Variants in PLEKHG6 observed in about 807,000 individuals in gnomAD.
The protein encoded by PLEKHG6 is pleckstrin homology domain-containing family G member 6.
PLEKHG6 carries 91 observed loss-of-function variants against 97.5 expected under a neutral mutation model. The observed-to-expected ratio is 0.93, with a 90% CI of 0.79 to 1.11. The LOEUF (loss-of-function observed/expected upper bound fraction) is 1.11. PLEKHG6 is among the 50% of genes most tolerant of loss of function. PLEKHG6 has a pLI of 0.00. For synonymous variants in PLEKHG6, 466 were observed against 425.5 expected (o/e 1.10, Z -1.17); for missense variants, 1,044 against 1,031.0 (o/e 1.01, Z -0.17).
chr12:6,312,573 G>A lies in PLEKHG6; in HGVS notation c.138+209G>A, dbSNP rs1318923008. ...CCCCAGTCCCAGCAGCTGGGCAGGA[G>A]AGGCGGAGCCAGGAGAAGCCAGGCC... On this transcript the variant is annotated intron_variant, in intron 2 of 15. Transcript: ENST00000684764. 4 of 1,237,978 alleles carry A rather than the reference G, an allele frequency of 3.2e-6. No individual in the cohort carries two copies. The African/African-American group carries it at 4.8e-5, about 15-fold the overall frequency. 76.7% of individuals were successfully genotyped at this position (1,237,978 alleles called of 1,614,324 possible). A position where few individuals can be genotyped will look rare whatever the true frequency, so the allele number is the denominator to read the frequency against.
intron 13 of PLEKHG6, chr12:6,319,765 CT>C (rs1176827653): frequency 8.3e-7 from 1 of 1,209,226 alleles, no homozygotes; most frequent in Admixed American, 2.6e-5. Context: ...GGCACTAGAG[CT>C]AGGTGCTAGG....
chr12:6,312,163 A>G lies in PLEKHG6; in HGVS notation c.-64A>G. On this transcript the variant is annotated 5_prime_UTR_variant, in exon 2 of 16. Transcript: ENST00000684764. ...TTCCTCTTTTCTCTCTTGCAGCCCT[A>G]GGGGACCTCTTTCTCCTGGACATTG... 7.3e-7 allele frequency: 1 copy of G among 1,365,562 alleles called. No individual in the cohort carries two copies. Among genetic ancestry groups the G allele is most frequent in the Non-Finnish European group, 9.7e-7 (1 of 1,035,148 alleles). The allele number at this position is 1,365,562 out of a possible 1,614,324, so 84.6% of individuals were successfully genotyped here. A position where few individuals can be genotyped will look rare whatever the true frequency, so the allele number is the denominator to read the frequency against.
At chr12:6,322,957 C>A (rs1014188491) in intron 13 of PLEKHG6, among the ~76,000 whole-genome samples, 1 of 152,176 alleles carries the variant, frequency 6.6e-6, no homozygotes, top group African/African-American at 2.4e-5. Context: ...AAAGCGCAAG[C>A]TAGTGGCATC....
chr12:6,315,505 C>T lies in PLEKHG6; in HGVS notation c.460-49C>T, dbSNP rs772118278. Reference sequence around the variant, plus strand: ...GGTCGCACTTAACAGCTGGTACTTGCCATTCTAATTATCATTCCCCAACTG... The same window carrying T: ...GGTCGCACTTAACAGCTGGTACTTGTCATTCTAATTATCATTCCCCAACTG... On this transcript the variant is annotated intron_variant, in intron 4 of 15. Transcript: ENST00000684764. The surrounding 1 kb of genome is among the most constrained non-coding windows in gnomAD (Gnocchi z 4.5). 1.7e-5 allele frequency: 21 copies of T among 1,200,308 alleles called. 1 individual carries two copies. In the South Asian group the frequency reaches 2.0e-4, roughly 12 times the overall value. The allele number at this position is 1,200,308 out of a possible 1,614,324, so 74.4% of individuals were successfully genotyped here.
chr12:6,327,714 T>A lies in PLEKHG6; in HGVS notation c.2131T>A (p.Ser711Thr). The A allele has an allele frequency of 6.4e-7, 1 of 1,555,908 alleles. No homozygotes were observed. The highest frequency in any genetic ancestry group is 8.7e-7 in the Non-Finnish European group (1 of 1,152,992). Reference protein sequence around the residue: ...ADSAGESPWESSGEEEEEGPL... With the variant: ...ADSAGESPWETSGEEEEEGPL... Reference sequence around the variant, plus strand: ...CTCTGCCGGGGAAAGCCCCTGGGAGTCCTCAGGGGAGGAGGAAGAAGAGGG... The same window carrying A: ...CTCTGCCGGGGAAAGCCCCTGGGAGACCTCAGGGGAGGAGGAAGAAGAGGG... Residue 711 changes from serine to threonine, a missense_variant, in exon 15 of 16, where the codon TCC becomes ACC. By Grantham distance (58) the Ser-to-Thr change is moderately conservative (BLOSUM62 1). Transcript: ENST00000684764.
intron 3 of PLEKHG6, 94 bp downstream of exon 3, chr12:6,313,878 G>A: frequency 8.3e-7 from 1 of 1,201,252 alleles, no homozygotes; most frequent in South Asian, 1.6e-5. Context: ...TGAGAACACA[G>A]GTCCAGGAGG....
rs149106966 is a variant in PLEKHG6, at chr12:6,312,282, G to A, written c.56G>A (p.Arg19His). ...CCCCTCCAAGGACTCGTGGCCTCCC[G>A]CATTGAGACTTATGGGGGCCGGCAT... ...EGPLQGLVAS[R>H]IETYGGRHRA... The change falls in exon 2 of 16, where the codon CGC becomes CAC. Residue 19 changes from arginine to histidine, a missense_variant. Physicochemically the swap from Arg to His is conservative, Grantham distance 29 (BLOSUM62 0). Transcript: ENST00000684764. The A allele has an allele frequency of 7.1e-5, 111 of 1,558,268 alleles. No individual in the cohort carries two copies. Among genetic ancestry groups the A allele is most frequent in the South Asian group, 8.5e-5 (7 of 82,208 alleles).
Position 6,317,322 on chromosome 12 carries a change from C to A in PLEKHG6, c.776C>A (p.Pro259His). The A allele has an allele frequency of 1.9e-6, 3 of 1,613,706 alleles. No homozygotes were observed. The highest frequency in any genetic ancestry group is 1.7e-6 in the Non-Finnish European group (2 of 1,179,674). The change falls in exon 8 of 16, where the codon CCC becomes CAC. Residue 259 changes from proline (P) to histidine (H), a missense_variant. Transcript: ENST00000684764. Reference sequence around the variant, plus strand: ...CTCCAGTTTGGCCAGCGGTTCCACCCCTATGTCCAGTACTGCCTCCGAGTG... The same window carrying A: ...CTCCAGTTTGGCCAGCGGTTCCACCACTATGTCCAGTACTGCCTCCGAGTG... The part of the protein sequence containing the change: ...GFLTFGQRFH[P>H]YVQYCLRVKQ...
At chr12:6,327,038 A>T (rs1325290459) in intron 14 of PLEKHG6, among the ~76,000 whole-genome samples, 1 of 152,192 alleles carries the variant, frequency 6.6e-6, no homozygotes, top group African/African-American at 2.4e-5. Context: ...AAGATCCTGG[A>T]CCAGATGCTA....
chr12:6,314,322 G>C (rs546719825), intron 3 of PLEKHG6, among the ~76,000 whole-genome samples: 121 of 152,268 alleles, frequency 7.9e-4, no homozygotes, highest in Middle Eastern at 3.4e-3. Flanking sequence ...GGCCAACATG[G>C]TGAAACCCCG....
intron 13 of PLEKHG6, among the ~76,000 whole-genome samples, chr12:6,321,826 T>TAAAAAAAAAAAAAA (rs57346521): frequency 2.1e-5 from 2 of 97,378 alleles, no homozygotes; most frequent in African/African-American, 4.6e-5. Flanking sequence ...GACTCTGTCT[T>TAAAAAAAAAAAAAA]AAAAAAAAAA....
chr12:6,327,220 C>A, intron 14 of PLEKHG6, 34 bp from the exon 15 acceptor site: 1 of 1,363,126 alleles, frequency 7.3e-7, no homozygotes, highest in Non-Finnish European at 1.0e-6. Context: ...TGAACTTGAC[C>A]CCTACGCATC....
chr12:6,327,123 TCA>T, intron 14 of PLEKHG6, 129 bp from the exon 15 acceptor site: 1 of 637,064 alleles, frequency 1.6e-6, no homozygotes, highest in East Asian at 2.7e-5. Flanking sequence ...AGAAAAACAA[TCA>T]CAGTGCGATG....
chr12:6,312,702 G>A (rs1947317547), intron 2 of PLEKHG6: 5 of 1,174,648 alleles, frequency 4.3e-6, no homozygotes, highest in Admixed American at 4.4e-5. Context: ...CTTGGCAGGA[G>A]TTTGAGGCCT....
Position 6,315,866 on chromosome 12 carries a change from C to T in PLEKHG6, c.556-3C>T. The T allele has an allele frequency of 1.3e-6, 2 of 1,562,200 alleles. No homozygotes were observed. The highest frequency in any genetic ancestry group is 1.7e-6 in the Non-Finnish European group (2 of 1,152,838). On this transcript the variant is annotated splice_region_variant and splice_polypyrimidine_tract_variant and intron_variant, in intron 5 of 15. Coordinates refer to ENST00000684764, the MANE Select transcript of PLEKHG6 (RefSeq NM_001384598.1). This position sits in a 1 kb window ranked among gnomAD's most constrained non-coding sequence, Gnocchi z 4.5. The stretch of plus-strand genomic sequence containing the variant: ...CCTGAGACCCTCGTCTCCCTCCCTG[C>T]AGCTGCTAGCCGCCGGCCTGCTGAA...
Position 6,327,340 on chromosome 12 carries a change from C to G in PLEKHG6, c.1757C>G (p.Ser586Ter). ...GCTCCCCTTGTGCCAGATGATACCT[C>G]AGACTCTGGCTACGGCACTTTGATC... ...EDAPLVPDDT[S>*]DSGYGTLIPG... The change falls in exon 15 of 16, where the codon TCA becomes TGA. Residue 586 changes from serine to a stop codon, truncating the protein, a stop_gained. Transcript: ENST00000684764. LOFTEE classifies it high-confidence loss of function. 1 of 1,613,914 alleles carries G rather than the reference C, an allele frequency of 6.2e-7. No individual in the cohort carries two copies. Among genetic ancestry groups the G allele is most frequent in the South Asian group, 1.1e-5 (1 of 91,080 alleles).
intron 13 of PLEKHG6, chr12:6,319,741 TGCTGAGTACG>T: frequency 6.9e-7 from 1 of 1,444,900 alleles, no homozygotes. Context: ...ACAGGGCACT[TGCTGAGTACG>T]GCAGGCACTA....
At position 6,324,301 on chromosome 12, in the gene PLEKHG6, CG is replaced by C. The variant is rs1281769697; in HGVS notation, c.1525-2126del. Among the ~76,000 whole-genome samples the C allele has an allele frequency of 3.9e-4, 58 of 148,942 alleles. 1 individual carries two copies. The highest frequency in any genetic ancestry group is 1.4e-3 in the African/African-American group (56 of 40,408). On this transcript the variant is annotated intron_variant, in intron 13 of 15. Coordinates refer to ENST00000684764, the MANE Select transcript of PLEKHG6 (RefSeq NM_001384598.1). ...CTCCCCCTCGCCCCCCTCCCCCCCC[CG>C]CCGCCTCCTCCAGCCTCTTCCTGGG...
At position 6,327,851 on chromosome 12, in the gene PLEKHG6, G is replaced by A. The variant is rs866828837; in HGVS notation, c.2268G>A (p.Glu756=). The A allele has an allele frequency of 6.6e-7, 1 of 1,505,896 alleles. No individual in the cohort carries two copies. Among genetic ancestry groups the A allele is most frequent in the African/African-American group, 1.4e-5 (1 of 71,540 alleles). The allele number at this position is 1,505,896 out of a possible 1,614,324, so 93.3% of individuals were successfully genotyped here. A position where few individuals can be genotyped will look rare whatever the true frequency, so the allele number is the denominator to read the frequency against. Residue 756 remains glutamate (E), a synonymous_variant, in exon 15 of 16, where the codon GAG becomes GAA. Coordinates refer to ENST00000684764, the MANE Select transcript of PLEKHG6 (RefSeq NM_001384598.1). ...LASQRIEGAE[E]PRDSRPRKLT... ...GCCAAAGGATTGAGGGGGCCGAGGA[G>A]CCCCGGGACAGCAGGCCACGGAAGC...
Sources: gnomAD v4.1 joint callset for allele counts (sites outside exome capture counted in the v4.1 genomes callset) on GRCh38, gnomAD v4.1.1 for gene constraint, Gnocchi (gnomAD v3.1) non-coding constraint, MANE v1.5 for transcripts, NCBI Gene and HGNC (gene_info 2026-07-23, HGNC 2026-07-21) for gene names.